The following CEP128 variants were observed in gnomAD, a reference collection of about 807,000 sequenced individuals.
CEP128 encodes the protein centrosomal protein 128kDa.
CEP128 carries 132 observed loss-of-function variants against 156.7 expected under a neutral mutation model. The observed-to-expected ratio is 0.84, with a 90% CI of 0.73 to 0.97. CEP128 has a LOEUF of 0.97. Ranked by LOEUF, CEP128 falls within the 50% of genes least tolerant of loss-of-function variation. The probability of loss-of-function intolerance (pLI) is 0.00; values close to 1 mark genes in which losing one functional copy is unlikely to be tolerated. For missense variants in CEP128, 1,252 were observed against 1,281.9 expected (o/e 0.98, Z 0.36); for synonymous variants, 469 against 448.9 (o/e 1.04, Z -0.57).
chr14:80,773,590 T>G (rs997505365), intron 16 of CEP128, among the ~76,000 whole-genome samples: 3 of 152,164 alleles, frequency 2.0e-5, no homozygotes, highest in Non-Finnish European at 4.4e-5. Context: ...GCAAACGAAT[T>G]TTTTTAATTA....
At chr14:80,518,662 C>T (rs1594939929) in intron 23 of CEP128, among the ~76,000 whole-genome samples, 8 of 152,148 alleles carry the variant, frequency 5.3e-5, no homozygotes, top group Admixed American at 5.2e-4. Context: ...TAGGTGAACA[C>T]ACATTTATGA....
chr14:80,843,768 A>C (rs1365556688), intron 9 of CEP128, among the ~76,000 whole-genome samples: 1 of 152,002 alleles, frequency 6.6e-6, no homozygotes, highest in Non-Finnish European at 1.5e-5. Flanking sequence ...GGACATTTTC[A>C]ATCAAGCAAA....
chr14:80,602,829 C>T (rs61412110), intron 19 of CEP128, among the ~76,000 whole-genome samples: 1,539 of 151,788 alleles, frequency 0.01, 35 homozygotes, highest in African/African-American at 0.035. Context: ...AAAGTATGTC[C>T]TCAACACAAC....
intron 15 of CEP128, among the ~76,000 whole-genome samples, chr14:80,782,493 C>T (rs1294739048): frequency 6.6e-6 from 1 of 152,094 alleles, no homozygotes; most frequent in Non-Finnish European, 1.5e-5. Flanking sequence ...CAGTTTGTAC[C>T]AGTCTTCATA....
intron 22 of CEP128, among the ~76,000 whole-genome samples, chr14:80,527,822 G>T (rs1889047956): frequency 6.6e-6 from 1 of 151,974 alleles, no homozygotes; most frequent in African/African-American, 2.4e-5. Context: ...AACATAAAAA[G>T]ATTCAGGTAA....
At chr14:80,915,105 G>A (rs951142498) in intron 3 of CEP128, among the ~76,000 whole-genome samples, 10 of 152,180 alleles carry the variant, frequency 6.6e-5, no homozygotes, top group Non-Finnish European at 8.8e-5. Context: ...AGGCTGGAGC[G>A]AAGTGGCATG....
intron 19 of CEP128, among the ~76,000 whole-genome samples, chr14:80,668,829 G>A (rs563199172): frequency 3.7e-4 from 57 of 152,248 alleles, no homozygotes; most frequent in African/African-American, 1.3e-3. Context: ...TCATAGGGGT[G>A]AGCCTTTCCT....
intron 2 of CEP128, chr14:80,958,141 A>C (rs1194198425): frequency 6.6e-6 from 1 of 151,726 alleles, no homozygotes; most frequent in Non-Finnish European, 1.5e-5. Context: ...AGAGAAGTAA[A>C]ACATGTAAAG....
intron 23 of CEP128, among the ~76,000 whole-genome samples, chr14:80,505,247 G>A (rs1041772244): frequency 5.3e-5 from 8 of 152,268 alleles, no homozygotes; most frequent in South Asian, 2.1e-4. Flanking sequence ...TTTCTTTCCA[G>A]TCTTTTTCCC....
intron 19 of CEP128, among the ~76,000 whole-genome samples, chr14:80,585,453 A>C (rs1868630): frequency 6.6e-6 from 1 of 152,316 alleles, no homozygotes; most frequent in East Asian, 1.9e-4. Context: ...ACACCCATCT[A>C]GTAACTTGAA....
At chr14:80,822,610 A>G (rs1885250249) in intron 13 of CEP128, 1 of 719,164 alleles carries the variant, frequency 1.4e-6, no homozygotes, top group Non-Finnish European at 2.6e-6. Context: ...TGAGGTTGTC[A>G]GCTAAACCTG....
rs78087016 is a variant in CEP128 at position 80,870,975 on chromosome 14, T to C, written c.646-8102A>G. Among the ~76,000 whole-genome samples the C allele has an allele frequency of 7.0e-3, 1,058 of 151,526 alleles. 10 individuals are homozygous for C. The highest frequency in any genetic ancestry group is 0.024 in the African/African-American group (998 of 41,378). On this transcript the variant is annotated intron_variant, in intron 8 of 24. Transcript: ENST00000555265. Reference sequence around the variant, plus strand: ...AACAACTCAAAAAAAAAAAGTCCTGTTCACTATAGCACCCAAAAAATACGA... The same window carrying C: ...AACAACTCAAAAAAAAAAAGTCCTGCTCACTATAGCACCCAAAAAATACGA...
intron 24 of CEP128, among the ~76,000 whole-genome samples, chr14:80,502,369 T>C (rs1402545139): frequency 6.6e-6 from 1 of 152,210 alleles, no homozygotes; most frequent in Non-Finnish European, 1.5e-5. Context: ...ATGGCTGCTG[T>C]GCAGTGGGTG....
chr14:80,587,569 A>G (rs933638440), intron 19 of CEP128, among the ~76,000 whole-genome samples: 1 of 152,334 alleles, frequency 6.6e-6, no homozygotes, highest in Admixed American at 6.5e-5. Context: ...AGAAAATAGC[A>G]TAATAATCTA....
intron 19 of CEP128, among the ~76,000 whole-genome samples, chr14:80,648,284 C>T (rs1434446662): frequency 6.6e-6 from 1 of 151,906 alleles, no homozygotes; most frequent in Non-Finnish European, 1.5e-5. Context: ...TTTGATTTTC[C>T]TCAATTCAGT....
intron 19 of CEP128, among the ~76,000 whole-genome samples, chr14:80,729,127 GTT>G (rs1555395842): frequency 8.7e-6 from 1 of 115,036 alleles, no homozygotes; most frequent in Non-Finnish European, 1.9e-5. Context: ...GTGTGTGTGT[GTT>G]TACCCAGTGT....
chr14:80,802,982 T>C (rs1415622943), intron 13 of CEP128, among the ~76,000 whole-genome samples: 3 of 152,218 alleles, frequency 2.0e-5, no homozygotes. Context: ...ACTGTGGCAT[T>C]TGAAAGACTG....
At chr14:80,859,446 T>C (rs1186497059) in intron 9 of CEP128, among the ~76,000 whole-genome samples, 4 of 149,634 alleles carry the variant, frequency 2.7e-5, no homozygotes, top group Non-Finnish European at 4.4e-5. Context: ...TACCTAATGC[T>C]AGATGACGAG....
At chr14:80,520,711 C>T (rs1293995026) in intron 23 of CEP128, among the ~76,000 whole-genome samples, 1 of 151,986 alleles carries the variant, frequency 6.6e-6, no homozygotes, top group Non-Finnish European at 1.5e-5. Context: ...TTGCCATAAA[C>T]AAGCATACTC....
Sources: gnomAD v4.1 joint callset for allele counts (sites outside exome capture counted in the v4.1 genomes callset) on GRCh38, gnomAD v4.1.1 for gene constraint, MANE v1.5 for transcripts, NCBI Gene and HGNC (gene_info 2026-07-23, HGNC 2026-07-21) for gene names.